IGSF10: variants seen among roughly 807,000 people sequenced by gnomAD.
IGSF10 encodes the protein immunoglobulin superfamily member 10.
IGSF10 carries 126 observed loss-of-function variants against 128.2 expected under a neutral mutation model. The ratio of observed to expected loss-of-function variants is 0.98; its 90% CI spans 0.85 to 1.14. The LOEUF (loss-of-function observed/expected upper bound fraction) is 1.14. Ranked by LOEUF, IGSF10 falls within the 50% of genes most tolerant of loss-of-function variation. The pLI is 0.00. For missense variants in IGSF10, 3,295 were observed against 3,149.8 expected (o/e 1.05, Z -1.10); for synonymous variants, 1,185 against 1,146.2 (o/e 1.03, Z -0.68).
At chr3:151,575,800 C>A in the IGSF10 span, among the ~76,000 whole-genome samples, 1 of 152,184 alleles carries the variant, frequency 6.6e-6, no homozygotes, top group African/African-American at 2.4e-5. Flanking sequence ...CAGCCATCTT[C>A]TGCGTTGATC....
chr3:151,532,798 A>G, the IGSF10 span, among the ~76,000 whole-genome samples: 242 of 152,342 alleles, frequency 1.6e-3, no homozygotes, highest in African/African-American at 5.7e-3. Context: ...ACTCCTATTC[A>G]ACATAGTATT....
intron 2 of IGSF10, among the ~76,000 whole-genome samples, chr3:151,459,961 A>C (rs1721975367): frequency 6.6e-6 from 1 of 152,204 alleles, no homozygotes; most frequent in African/African-American, 2.4e-5. Context: ...TTTAGTCCAA[A>C]TTAAAATTTA....
Position 151,438,194 on chromosome 3 carries a change from T to G in IGSF10, c.6367A>C (p.Asn2123His). 1 of 1,614,174 alleles carries G rather than the reference T, an allele frequency of 6.2e-7. No individual in the cohort carries two copies. The highest frequency in any genetic ancestry group is 2.2e-5 in the East Asian group (1 of 44,878). ...EEGDYTCYAQ[N>H]TLGKDEMKVH... ...TTCATTTCATCTTTCCCTAGGGTGT[T>G]CTGGGCATAGCAAGTATAATCTCCT... Residue 2123 changes from asparagine (N) to histidine (H), a missense_variant, in exon 8 of 8, where the codon AAC (asparagine) becomes CAC (histidine). Physicochemically the swap from Asn to His is moderately conservative, Grantham distance 68. Transcript: ENST00000282466.
chr3:151,459,701 G>A (rs1317943080), intron 2 of IGSF10, among the ~76,000 whole-genome samples: 1 of 152,154 alleles, frequency 6.6e-6, no homozygotes, highest in African/African-American at 2.4e-5. Context: ...TTACCCATAT[G>A]TGGGGCAAGC....
chr3:151,475,767 T>A, the IGSF10 span: 1 of 152,490 alleles, frequency 6.6e-6, no homozygotes, highest in African/African-American at 2.4e-5. Context: ...TAAACTTCGT[T>A]AAATTTACTT....
chr3:151,493,997 G>A, the IGSF10 span, among the ~76,000 whole-genome samples: 125,116 of 151,978 alleles, frequency 0.82, 51,592 homozygotes, highest in Middle Eastern at 0.93. Flanking sequence ...CAAGAGCATT[G>A]TAAAGAAAAA....
chr3:151,592,502 T>C, the IGSF10 span, among the ~76,000 whole-genome samples: 1 of 152,124 alleles, frequency 6.6e-6, no homozygotes, highest in Non-Finnish European at 1.5e-5. Flanking sequence ...TCCAGATAGC[T>C]ATTATGCACT....
At chr3:151,514,057 T>C in the IGSF10 span, among the ~76,000 whole-genome samples, 38 of 152,274 alleles carry the variant, frequency 2.5e-4, no homozygotes, top group African/African-American at 8.4e-4. Context: ...CAAGGTAATT[T>C]ATAGATTCAA....
chr3:151,586,492 A>T, the IGSF10 span, among the ~76,000 whole-genome samples: 2 of 152,228 alleles, frequency 1.3e-5, no homozygotes, highest in Non-Finnish European at 2.9e-5. Flanking sequence ...AAGAAAAGAA[A>T]AACAGTATAG....
At chr3:151,505,644 T>A in the IGSF10 span, among the ~76,000 whole-genome samples, 121,042 of 152,126 alleles carry the variant, frequency 0.8, 48,287 homozygotes, top group Middle Eastern at 0.9. Context: ...TCTAAAGATA[T>A]GTTACAGTGG....
At chr3:151,483,896 AGAT>A in the IGSF10 span, among the ~76,000 whole-genome samples, 1 of 152,282 alleles carries the variant, frequency 6.6e-6, no homozygotes, top group Non-Finnish European at 1.5e-5. Context: ...ACACTGAGCT[AGAT>A]GCATGAGTTT....
the IGSF10 span, among the ~76,000 whole-genome samples, chr3:151,525,288 A>G: frequency 1.3e-5 from 2 of 152,126 alleles, no homozygotes; most frequent in Non-Finnish European, 2.9e-5. Context: ...TTAAGGCTAT[A>G]TTACAGAATA....
In IGSF10 at chr3:151,446,861, C is replaced by T. The variant is rs757554135; in HGVS notation, c.3120G>A (p.Arg1040=). 9 of 1,614,018 alleles carry T rather than the reference C, an allele frequency of 5.6e-6. No homozygotes were observed. The South Asian group carries it at 8.8e-5, about 16-fold the overall frequency. ...TTTCAGAAGAACCTCTGGTTGTTGA[C>T]CTGAAAATGCTGTATCTATGCCGTC... ...VLRRHRYSIF[R]STTRGSSEKS... is the part of the protein sequence containing the mutation. Residue 1040 remains arginine, a synonymous_variant, in exon 6 of 8, where the codon AGG becomes AGA. Transcript: ENST00000282466.
chr3:151,501,451 G>T, the IGSF10 span, among the ~76,000 whole-genome samples: 1 of 47,768 alleles, frequency 2.1e-5, no homozygotes, highest in African/African-American at 8.0e-5. Flanking sequence ...ATAAAGCTTG[G>T]TATGCGAAGG....
chr3:151,609,132 C>T, the IGSF10 span, among the ~76,000 whole-genome samples: 1 of 152,058 alleles, frequency 6.6e-6, no homozygotes, highest in South Asian at 2.1e-4. Flanking sequence ...ATAAGCCAGC[C>T]ATGTAATACA....
At chr3:151,523,026 G>A in the IGSF10 span, among the ~76,000 whole-genome samples, 1 of 151,972 alleles carries the variant, frequency 6.6e-6, no homozygotes, top group African/African-American at 2.4e-5. Flanking sequence ...ACCAACAACA[G>A]CCAAATTGAG....
the IGSF10 span, among the ~76,000 whole-genome samples, chr3:151,611,013 T>C: frequency 6.6e-6 from 1 of 152,208 alleles, no homozygotes; most frequent in African/African-American, 2.4e-5. Flanking sequence ...GGGTATATGT[T>C]TGACAGGCCT....
the IGSF10 span, among the ~76,000 whole-genome samples, chr3:151,565,709 G>C: frequency 6.6e-6 from 1 of 152,064 alleles, no homozygotes; most frequent in Non-Finnish European, 1.5e-5. Flanking sequence ...GTTCTAGTGA[G>C]TTACTGAGCT....
rs201727917 is a variant in IGSF10 at position 151,443,721 on chromosome 3, G to A, written c.5226C>T (p.Ser1742=). The part of the protein sequence containing the change: ...DHLHVTLSVV[S]YPPRILERRT... ...GTCTCTCCAGGATCCTGGGAGGATA[G>A]GAAACCACAGACAAGGTGACATGAA... is the stretch of plus-strand genomic sequence containing the variant. Residue 1742 remains serine (S), a synonymous_variant, in exon 7 of 8, where the codon TCC becomes TCT. Transcript: ENST00000282466. The A allele has an allele frequency of 1.5e-5, 24 of 1,614,056 alleles. No homozygotes were observed. Among genetic ancestry groups the A allele is most frequent in the Non-Finnish European group, 2.0e-5 (24 of 1,180,036 alleles).
Sources: gnomAD v4.1 joint callset for allele counts (sites outside exome capture counted in the v4.1 genomes callset) on GRCh38, gnomAD v4.1.1 for gene constraint, MANE v1.5 for transcripts, NCBI Gene and HGNC (gene_info 2026-07-23, HGNC 2026-07-21) for gene names.